PHTF1: variants seen among roughly 807,000 people sequenced by gnomAD.
PHTF1 encodes protein PHTF1.
A neutral mutation model predicts 102.4 loss-of-function variants in PHTF1; 88 were observed. The ratio of observed to expected loss-of-function variants is 0.86; its 90% CI spans 0.72 to 1.03. PHTF1 has a LOEUF of 1.03. PHTF1 is among the 50% of genes least tolerant of loss of function. PHTF1 has a pLI of 0.00. For missense variants in PHTF1, 814 were observed against 909.5 expected (o/e 0.89, Z 1.35); for synonymous variants, 289 against 305.2 (o/e 0.95, Z 0.55).
At chr1:113,710,663 C>A (rs1027537769) in intron 10 of PHTF1, among the ~76,000 whole-genome samples, 188 bp from the exon 11 acceptor site, 1 of 151,666 alleles carries the variant, frequency 6.6e-6, no homozygotes, top group African/African-American at 2.4e-5. Flanking sequence ...CAGGGTCGCG[C>A]TCTGTCACCC....
intron 7 of PHTF1, among the ~76,000 whole-genome samples, chr1:113,717,294 T>C (rs149741642): frequency 7.9e-5 from 12 of 151,880 alleles, no homozygotes; most frequent in Admixed American, 7.2e-4. Flanking sequence ...AAGAGGAAGA[T>C]AGGAAGGAAA....
intron 2 of PHTF1, 25 bp downstream of exon 2, chr1:113,758,634 T>TAA: frequency 7.2e-7 from 1 of 1,390,990 alleles, no homozygotes; most frequent in South Asian, 1.4e-5. Flanking sequence ...GCTTTACAAA[T>TAA]AAAAAAAATA....
At position 113,705,985 on chromosome 1, in the gene PHTF1, T is replaced by C. The variant is rs770110062; in HGVS notation, c.1576A>G (p.Ile526Val). 8.1e-6 allele frequency: 13 copies of C among 1,613,754 alleles called. No individual in the cohort carries two copies. The African/African-American group carries it at 1.1e-4, about 13-fold the overall frequency. The change falls in exon 13 of 19, where the codon ATT becomes GTT. Residue 526 changes from isoleucine (I) to valine (V), a missense_variant. Ile to Val is a conservative substitution (Grantham distance 29). Transcript: ENST00000369604. ...LFCGAPPVTP[I>V]IVLSIINFFE... ...AAATTAATTATCGACAAAACAATAA[T>C]AGGTGTAACAGGTGGTGCCCCACAA...
intron 7 of PHTF1, among the ~76,000 whole-genome samples, chr1:113,720,154 T>C (rs1652686707): frequency 6.6e-6 from 1 of 152,172 alleles, no homozygotes; most frequent in Non-Finnish European, 1.5e-5. Context: ...ATCAAGTAGC[T>C]ATACTTATAT....
chr1:113,733,445 C>T (rs1032817113), intron 5 of PHTF1, among the ~76,000 whole-genome samples: 4 of 152,150 alleles, frequency 2.6e-5, no homozygotes, highest in African/African-American at 9.7e-5. Context: ...TAGAAACCAC[C>T]TAAATGCCCA....
intron 3 of PHTF1, among the ~76,000 whole-genome samples, chr1:113,747,668 C>CT (rs1384229271): frequency 2.6e-5 from 4 of 152,184 alleles, no homozygotes; most frequent in African/African-American, 9.7e-5. Flanking sequence ...TTTTGAGACT[C>CT]TAAGTTCAAA....
In PHTF1 at chr1:113,704,711, CTTCTTAA is replaced by C. The variant is rs1557905249; in HGVS notation, c.1751_1757del (p.Leu584ArgfsTer15). 6.3e-7 allele frequency: 1 copy of C among 1,589,790 alleles called. No homozygotes were observed. Among genetic ancestry groups the C allele is most frequent in the Admixed American group, 1.7e-5 (1 of 59,684 alleles). ...ATAACCATATTTTAATATTCTCCAC[CTTCTTAA>C]GTCTGAAATGAGGTATTTCATATTT... On this transcript the variant is annotated frameshift_variant, in exon 14 of 19. Transcript: ENST00000369604. LOFTEE classifies it high-confidence loss of function.
intron 3 of PHTF1, chr1:113,746,781 A>T (rs1259867364): frequency 1.8e-6 from 1 of 556,090 alleles, no homozygotes; most frequent in Non-Finnish European, 2.3e-6. Flanking sequence ...TGTAAAATTA[A>T]ATCTTTATTT....
At chr1:113,731,067 T>A (rs1169828729) in intron 5 of PHTF1, among the ~76,000 whole-genome samples, 3 of 152,102 alleles carry the variant, frequency 2.0e-5, no homozygotes, top group Admixed American at 1.3e-4. Context: ...GATGAAAAAA[T>A]TTTGGAAATA....
intron 3 of PHTF1, among the ~76,000 whole-genome samples, chr1:113,748,050 T>C (rs1657488954): frequency 6.6e-6 from 1 of 152,198 alleles, no homozygotes; most frequent in Non-Finnish European, 1.5e-5. Flanking sequence ...TATTCACGGC[T>C]CTCTGCACCT....
At chr1:113,758,974 G>A (rs1659299928) in intron 1 of PHTF1, 49 bp downstream of exon 1, 1 of 1,110,502 alleles carries the variant, frequency 9.0e-7, no homozygotes, top group Non-Finnish European at 1.1e-6. Flanking sequence ...GGCCGCCGCT[G>A]GAGTCGCCCG....
intron 11 of PHTF1, among the ~76,000 whole-genome samples, chr1:113,709,497 G>T (rs542422019): frequency 6.6e-6 from 1 of 152,288 alleles, no homozygotes; most frequent in Non-Finnish European, 1.5e-5. Context: ...GTTGATAAGT[G>T]AACTATTTCT....
At position 113,711,962 on chromosome 1, in the gene PHTF1, A is replaced by G. The variant is rs1408046325; in HGVS notation, c.935T>C (p.Leu312Pro). 1 of 1,613,920 alleles carries G rather than the reference A, an allele frequency of 6.2e-7. No homozygotes were observed. The highest frequency in any genetic ancestry group is 2.2e-5 in the East Asian group (1 of 44,892). Residue 312 changes from leucine to proline, a missense_variant, in exon 9 of 19, where the codon CTT (leucine) becomes CCT (proline). Leu to Pro is a moderately conservative substitution (Grantham distance 98, BLOSUM62 -3). Transcript: ENST00000369604. ...GCEVKNRKSI[L>P]SRHLNSQVKK... ...TACCTGAGAGTTTAGGTGCCTTGAA[A>G]GTATTGATTTTCTATTCTTAACTTC...
intron 3 of PHTF1, among the ~76,000 whole-genome samples, chr1:113,741,681 CA>C (rs1441257973): frequency 6.6e-6 from 1 of 152,022 alleles, no homozygotes; most frequent in Admixed American, 6.6e-5. Context: ...TTCACTCAGT[CA>C]ACAAATATTC....
chr1:113,746,043 A>G (rs574845398), intron 3 of PHTF1, among the ~76,000 whole-genome samples: 2 of 152,324 alleles, frequency 1.3e-5, no homozygotes, highest in East Asian at 1.9e-4. Flanking sequence ...ACAACCACTC[A>G]GCCACTGTAG....
chr1:113,698,515 C>G, intron 17 of PHTF1, 128 bp from the exon 18 acceptor site: 1 of 752,450 alleles, frequency 1.3e-6, no homozygotes, highest in Admixed American at 2.8e-5. Context: ...ATTCAAAGAG[C>G]TACCTTCAAA....
chr1:113,747,720 G>A (rs1028056044), intron 3 of PHTF1, among the ~76,000 whole-genome samples: 1 of 152,148 alleles, frequency 6.6e-6, no homozygotes, highest in African/African-American at 2.4e-5. Flanking sequence ...TAATTAGGCT[G>A]GGCATAAAAC....
At chr1:113,719,376 C>CTGAT in intron 7 of PHTF1, among the ~76,000 whole-genome samples, 1 of 152,194 alleles carries the variant, frequency 6.6e-6, no homozygotes, top group Non-Finnish European at 1.5e-5. Flanking sequence ...CCTTATAAAA[C>CTGAT]TGATTGCCTT....
chr1:113,746,107 T>C (rs1435178942), intron 3 of PHTF1, among the ~76,000 whole-genome samples: 1 of 152,200 alleles, frequency 6.6e-6, no homozygotes, highest in African/African-American at 2.4e-5. Flanking sequence ...TAAACCTGGC[T>C]GTGTTTCAGC....
Sources: allele counts gnomAD v4.1 joint callset (sites outside exome capture counted in the v4.1 genomes callset), GRCh38; gene constraint gnomAD v4.1.1; transcripts MANE v1.5; gene names NCBI Gene and HGNC (gene_info 2026-07-23, HGNC 2026-07-21).